The following RNF115 variants were observed in gnomAD, a reference collection of about 807,000 sequenced individuals.
RNF115 encodes ring finger protein 115, also known as E3 ubiquitin-protein ligase RNF115.
In RNF115, 31 loss-of-function variants were observed where a neutral mutation model predicts 39.2. The observed-to-expected ratio is 0.79, with a 90% CI of 0.59 to 1.07. RNF115 has a LOEUF of 1.07. RNF115 is among the 50% of genes least tolerant of loss of function. The probability of loss-of-function intolerance (pLI) is 0.00; values close to 1 mark genes in which losing one functional copy is unlikely to be tolerated. For missense variants in RNF115, 384 were observed against 381.7 expected, an observed-to-expected ratio of 1.01 and a Z score of -0.05; for synonymous variants, 124 against 131.0, an observed-to-expected ratio of 0.95 and a Z score of 0.37.
In RNF115 at chr1:145,788,655, A is replaced by G. The variant is rs1316771350; in HGVS notation, c.161+253T>C. On this transcript the variant is annotated intron_variant, in intron 2 of 8. Coordinates refer to ENST00000582693, the MANE Select transcript of RNF115 (RefSeq NM_014455.4). ...CGTACAGATGTACATGGAATGCCAC[A>G]TACAATCAGGAGCAGTGCGTATCAC... 4 of 613,402 alleles carry G rather than the reference A, an allele frequency of 6.5e-6. No individual in the cohort carries two copies. The East Asian group carries it at 1.3e-4, about 20-fold the overall frequency. 38.0% of individuals were successfully genotyped at this position (613,402 alleles called of 1,614,324 possible).
In RNF115 at chr1:145,789,326, CCTGAA is replaced by C. The variant is rs1559121719; in HGVS notation, c.103-365_103-361del. Among the ~76,000 whole-genome samples, 3 of 152,284 alleles carry C rather than the reference CCTGAA, an allele frequency of 2.0e-5. No individual in the cohort carries two copies. In the East Asian group the frequency reaches 5.8e-4, roughly 29 times the overall value. On this transcript the variant is annotated intron_variant, in intron 1 of 8. Coordinates refer to ENST00000582693, the MANE Select transcript of RNF115 (RefSeq NM_014455.4). ...ATGTTGCCCAAGCTGATCTCAAACT[CCTGAA>C]CTGAAGTGATCTTCCTGCCTCAGCC...
chr1:145,761,789 G>T (rs1658516865), intron 4 of RNF115, among the ~76,000 whole-genome samples: 2 of 152,202 alleles, frequency 1.3e-5, no homozygotes, highest in Non-Finnish European at 2.9e-5. Flanking sequence ...ATCCCAGAAT[G>T]GTAGATCCAC....
intron 4 of RNF115, among the ~76,000 whole-genome samples, chr1:145,764,423 G>A (rs1238644772): frequency 6.6e-6 from 1 of 151,646 alleles, no homozygotes; most frequent in Non-Finnish European, 1.5e-5. Context: ...CATCGTCTGA[G>A]ATGTGGGGAG....
At position 145,771,880 on chromosome 1, in the gene RNF115, AAT is replaced by A; in HGVS notation, c.257_258del (p.Asp86ValfsTer2). 1 of 1,614,140 alleles carries A rather than the reference AAT, an allele frequency of 6.2e-7. No individual in the cohort carries two copies. The highest frequency in any genetic ancestry group is 1.7e-4 in the Middle Eastern group (1 of 6,056). ...GGACTGCTACTTAGAAAGGGTCTAA[AAT>A]CTTGAAAAAACATCGTGTGATCCAA... is the stretch of plus-strand genomic sequence containing the variant. ...GHLDHTMFFQDFRPFLSSSPL... is the reference protein window; with the variant it reads ...GHLDHTMFFQXFRPFLSSSPL... On this transcript the variant is annotated frameshift_variant, in exon 4 of 9. Coordinates refer to ENST00000582693, the MANE Select transcript of RNF115 (RefSeq NM_014455.4). LOFTEE classifies it high-confidence loss of function.
At chr1:145,794,502 CTTTT>C (rs57242475) in intron 1 of RNF115, among the ~76,000 whole-genome samples, 4 of 81,118 alleles carry the variant, frequency 4.9e-5, no homozygotes, top group African/African-American at 5.2e-5. Context: ...TAATCTCTTT[CTTTT>C]TTTTTTTTTT....
chr1:145,768,121 G>A (rs1274705054), intron 4 of RNF115, among the ~76,000 whole-genome samples: 1 of 152,242 alleles, frequency 6.6e-6, no homozygotes, highest in African/African-American at 2.4e-5. Context: ...GAGCCTAGGC[G>A]GGAAACCACC....
chr1:145,790,907 T>C (rs146175763), intron 1 of RNF115, among the ~76,000 whole-genome samples: 128,990 of 151,912 alleles, frequency 0.85, 55,166 homozygotes, highest in African/African-American at 0.95. Context: ...TTTGGGAGGC[T>C]AAGGTGGGCA....
At chr1:145,780,939 T>C (rs1648115064) in intron 3 of RNF115, among the ~76,000 whole-genome samples, 1 of 152,136 alleles carries the variant, frequency 6.6e-6, no homozygotes, top group African/African-American at 2.4e-5. Flanking sequence ...AAGTAATCAA[T>C]GAAACCTTCA....
chr1:145,813,404 G>C (rs1415570079), intron 1 of RNF115, among the ~76,000 whole-genome samples: 1 of 152,166 alleles, frequency 6.6e-6, no homozygotes, highest in African/African-American at 2.4e-5. Context: ...AGTTAGGCTT[G>C]TTGTCTGCTT....
In RNF115 at chr1:145,810,640, C is replaced by T. The variant is rs587678826; in HGVS notation, c.102+13132G>A. Among the ~76,000 whole-genome samples the T allele has an allele frequency of 4.9e-4, 66 of 133,362 alleles. No individual in the cohort carries two copies. The East Asian group carries it at 0.013, about 27-fold the overall frequency. The allele number at this position is 133,362 out of a possible 152,430, so 87.5% of individuals were successfully genotyped here. On this transcript the variant is annotated intron_variant, in intron 1 of 8. Coordinates refer to ENST00000582693, the MANE Select transcript of RNF115 (RefSeq NM_014455.4). ...ACCTGCACATCCTGCACATGTGCCC[C>T]GGGACTTAAAATAAAAGTTGCAGAA...
Position 145,746,711 on chromosome 1 carries a change from T to G in RNF115, c.*155A>C. 1.4e-6 allele frequency: 1 copy of G among 733,896 alleles called. No homozygotes were observed. The highest frequency in any genetic ancestry group is 3.2e-5 in the Admixed American group (1 of 31,698). The allele number at this position is 733,896 out of a possible 1,614,324, so 45.5% of individuals were successfully genotyped here. ...TACAATTCCATCTGTAGATACTAAC[T>G]TTAAATTTAAAGAAGAAAAACATTC... On this transcript the variant is annotated 3_prime_UTR_variant, in exon 9 of 9. Coordinates refer to ENST00000582693, the MANE Select transcript of RNF115 (RefSeq NM_014455.4).
intron 1 of RNF115, among the ~76,000 whole-genome samples, chr1:145,804,099 T>C (rs1305254391): frequency 4.6e-5 from 7 of 152,226 alleles, no homozygotes; most frequent in Non-Finnish European, 7.3e-5. Flanking sequence ...TGTACTTTCT[T>C]GCTTTTAGCT....
chr1:145,761,521 T>C (rs949304779), intron 4 of RNF115, among the ~76,000 whole-genome samples: 2 of 152,206 alleles, frequency 1.3e-5, no homozygotes, highest in African/African-American at 4.8e-5. Context: ...GCCCAAAGCC[T>C]TGGCAGCGTC....
intron 1 of RNF115, among the ~76,000 whole-genome samples, chr1:145,814,307 G>A (rs1373943727): frequency 2.6e-5 from 4 of 151,882 alleles, no homozygotes; most frequent in Non-Finnish European, 5.9e-5. Context: ...AATGTTCCCT[G>A]GGAAACAAAA....
intron 2 of RNF115, among the ~76,000 whole-genome samples, chr1:145,785,388 T>C (rs1553717980): frequency 1.3e-5 from 2 of 152,182 alleles, no homozygotes; most frequent in Non-Finnish European, 2.9e-5. Flanking sequence ...CAATATCCTA[T>C]ATTGACACTC....
chr1:145,797,312 T>C (rs1649029491), intron 1 of RNF115, among the ~76,000 whole-genome samples: 1 of 152,202 alleles, frequency 6.6e-6, no homozygotes, highest in Admixed American at 6.5e-5. Context: ...GCAAAACTCA[T>C]CGTCTCAGCA....
chr1:145,752,820 C>G (rs587744331), intron 5 of RNF115, among the ~76,000 whole-genome samples, 158 bp downstream of exon 5: 3 of 152,002 alleles, frequency 2.0e-5, no homozygotes, highest in African/African-American at 7.3e-5. Flanking sequence ...ATCTCCTGAC[C>G]TCGTGATCCG....
intron 3 of RNF115, among the ~76,000 whole-genome samples, chr1:145,781,652 T>C (rs1159131047): frequency 1.3e-5 from 2 of 152,086 alleles, no homozygotes; most frequent in African/African-American, 4.8e-5. Context: ...GAGGGAAGGA[T>C]GATTATTTCC....
rs1162291293 is a variant in RNF115 at position 145,740,589 on chromosome 1, T to C, written c.*6277A>G. ...ACACGCATCTTAGCCCCAATCTGTA[T>C]GAGTGATTCACAAACACGGGTTTTG... On this transcript the variant is annotated 3_prime_UTR_variant, in exon 9 of 9. Coordinates refer to ENST00000582693, the MANE Select transcript of RNF115 (RefSeq NM_014455.4). The C allele has an allele frequency of 2.0e-5, 3 of 152,266 alleles. No homozygotes were observed. The highest frequency in any genetic ancestry group is 2.9e-5 in the Non-Finnish European group (2 of 68,052). The allele number at this position is 152,266 out of a possible 1,614,324, so 9.4% of individuals were successfully genotyped here.
Sources: gnomAD v4.1 joint callset for allele counts (sites outside exome capture counted in the v4.1 genomes callset) on GRCh38, gnomAD v4.1.1 for gene constraint, MANE v1.5 for transcripts, NCBI Gene and HGNC (gene_info 2026-07-23, HGNC 2026-07-21) for gene names.